KCNIP4: variants seen among roughly 807,000 people sequenced by gnomAD.
KCNIP4 encodes Kv channel-interacting protein 4.
Under a neutral mutation model 34.0 loss-of-function variants are expected in KCNIP4, and 12 were observed. The ratio of observed to expected loss-of-function variants is 0.35; its 90% CI spans 0.23 to 0.57. KCNIP4 has a LOEUF of 0.57. Ranked by LOEUF, KCNIP4 falls within the 20% of genes least tolerant of loss-of-function variation. The pLI is 0.83. For missense variants in KCNIP4, 238 were observed against 311.7 expected (o/e 0.76, Z 1.78); for synonymous variants, 124 against 102.2 (o/e 1.21, Z -1.29).
intron 1 of KCNIP4, among the ~76,000 whole-genome samples, chr4:21,587,775 T>C (rs906813210): frequency 1.3e-5 from 2 of 152,000 alleles, no homozygotes; most frequent in South Asian, 2.1e-4. Context: ...CCTTCACTAG[T>C]TGGAGAAAGG....
chr4:21,902,294 T>C (rs1392764988), intron 1 of KCNIP4, among the ~76,000 whole-genome samples: 1 of 152,254 alleles, frequency 6.6e-6, no homozygotes, highest in Admixed American at 6.6e-5. Context: ...TTGGTATACT[T>C]AAGTTATAAA....
At position 21,304,055 on chromosome 4, in the gene KCNIP4, GAGAGAGAGAGAGAC is replaced by G. The variant is rs1228991577; in HGVS notation, c.62-421360_62-421347del. On this transcript the variant is annotated intron_variant, in intron 1 of 8. Coordinates refer to ENST00000382152, the MANE Select transcript of KCNIP4 (RefSeq NM_025221.6). ...TGAGAGAGAGAGAGAGAGAGAGAGA[GAGAGAGAGAGAGAC>G]AGAGAGAGAGAGAGAGACAGAGAGA... The G allele has an allele frequency of 2.7e-3, 1,353 of 494,402 alleles. 11 individuals carry two copies. The highest frequency in any genetic ancestry group is 0.022 in the African/African-American group (508 of 23,492). The allele number at this position is 494,402 out of a possible 1,614,324, so 30.6% of individuals were successfully genotyped here. A position where few individuals can be genotyped will look rare whatever the true frequency, so the allele number is the denominator to read the frequency against.
intron 1 of KCNIP4, among the ~76,000 whole-genome samples, chr4:21,501,277 C>T (rs10017100): frequency 0.039 from 5,673 of 147,214 alleles, 327 homozygotes; most frequent in African/African-American, 0.13. Flanking sequence ...CACACACATG[C>T]CATGTCCTAA....
At chr4:21,310,276 T>C (rs1713006275) in intron 1 of KCNIP4, among the ~76,000 whole-genome samples, 1 of 152,126 alleles carries the variant, frequency 6.6e-6, no homozygotes, top group African/African-American at 2.4e-5. Flanking sequence ...CCTCATGTGA[T>C]CCGTCCGCCT....
intron 1 of KCNIP4, among the ~76,000 whole-genome samples, chr4:20,926,012 T>C (rs6834492): frequency 0.13 from 20,500 of 152,280 alleles, 1,934 homozygotes; most frequent in African/African-American, 0.28. Context: ...AGGTGCTCTC[T>C]GCCCAAGATT....
At chr4:21,108,489 A>T (rs1265039418) in intron 1 of KCNIP4, among the ~76,000 whole-genome samples, 1 of 151,520 alleles carries the variant, frequency 6.6e-6, no homozygotes, top group Non-Finnish European at 1.5e-5. Flanking sequence ...TATTCTAGTT[A>T]TACATTCGTC....
chr4:20,827,074 C>T (rs552866048), intron 3 of KCNIP4, among the ~76,000 whole-genome samples: 1 of 152,308 alleles, frequency 6.6e-6, no homozygotes, highest in East Asian at 1.9e-4. Context: ...CAACAGAATA[C>T]AGCAGAAATA....
intron 1 of KCNIP4, among the ~76,000 whole-genome samples, chr4:21,588,286 T>C (rs752647872): frequency 2.0e-5 from 3 of 152,036 alleles, no homozygotes; most frequent in Non-Finnish European, 4.4e-5. Context: ...TGAGAAAACC[T>C]GGCTATGGGT....
intron 3 of KCNIP4, among the ~76,000 whole-genome samples, chr4:20,830,235 T>C (rs1367322134): frequency 6.6e-6 from 1 of 152,204 alleles, no homozygotes; most frequent in African/African-American, 2.4e-5. Flanking sequence ...TTTACCCCTA[T>C]GTTTGACTGC....
At chr4:21,719,777 T>C (rs542222809) in intron 1 of KCNIP4, among the ~76,000 whole-genome samples, 3 of 151,838 alleles carry the variant, frequency 2.0e-5, no homozygotes, top group African/African-American at 4.8e-5. Flanking sequence ...ACCTGGCCAA[T>C]ATGGGGAAAA....
At chr4:21,551,977 C>T (rs937970897) in intron 1 of KCNIP4, among the ~76,000 whole-genome samples, 6 of 150,164 alleles carry the variant, frequency 4.0e-5, no homozygotes, top group Non-Finnish European at 5.9e-5. Context: ...AGACATCATT[C>T]GACCTGTCCA....
At chr4:21,634,722 T>G (rs1022457755) in intron 1 of KCNIP4, among the ~76,000 whole-genome samples, 1 of 152,208 alleles carries the variant, frequency 6.6e-6, no homozygotes, top group Non-Finnish European at 1.5e-5. Context: ...TTAAATCATC[T>G]CATTTGTAAG....
intron 5 of KCNIP4, among the ~76,000 whole-genome samples, chr4:20,737,991 G>T (rs923657067): frequency 6.6e-6 from 1 of 152,054 alleles, no homozygotes; most frequent in Non-Finnish European, 1.5e-5. Context: ...AATTAACTGG[G>T]TATGGTGGTG....
chr4:20,812,633 TGG>T (rs1287460464), intron 3 of KCNIP4, among the ~76,000 whole-genome samples: 1 of 152,194 alleles, frequency 6.6e-6, no homozygotes, highest in Non-Finnish European at 1.5e-5. Context: ...TCTCTTCTAT[TGG>T]AGTTCGGTTT....
intron 1 of KCNIP4, among the ~76,000 whole-genome samples, chr4:21,122,621 T>A (rs905187896): frequency 6.6e-6 from 1 of 152,188 alleles, no homozygotes; most frequent in African/African-American, 2.4e-5. Context: ...TGTTCCACAG[T>A]CATTGTTTCC....
intron 3 of KCNIP4, chr4:20,767,477 C>T (rs1232311176): frequency 6.6e-6 from 1 of 152,056 alleles, no homozygotes; most frequent in African/African-American, 2.4e-5. Flanking sequence ...GAGAAAGATC[C>T]ATGTATGCAT....
intron 1 of KCNIP4, among the ~76,000 whole-genome samples, chr4:21,442,278 T>C (rs1328486664): frequency 6.6e-6 from 1 of 152,196 alleles, no homozygotes; most frequent in Non-Finnish European, 1.5e-5. Context: ...TTCCTAGCAC[T>C]TGTGGTTCAT....
At chr4:21,234,010 T>C (rs1399810212) in intron 1 of KCNIP4, among the ~76,000 whole-genome samples, 3 of 129,210 alleles carry the variant, frequency 2.3e-5, no homozygotes, top group African/African-American at 3.1e-5. Flanking sequence ...ATATATAACA[T>C]ATATAACATA....
intron 1 of KCNIP4, among the ~76,000 whole-genome samples, chr4:21,437,304 CAAT>C (rs1425527146): frequency 6.6e-6 from 1 of 151,958 alleles, no homozygotes; most frequent in South Asian, 2.1e-4. Context: ...TTTTCAACAA[CAAT>C]AACAACAAAA....
Sources: allele counts gnomAD v4.1 joint callset (sites outside exome capture counted in the v4.1 genomes callset), GRCh38; gene constraint gnomAD v4.1.1; transcripts MANE v1.5; gene names NCBI Gene and HGNC (gene_info 2026-07-23, HGNC 2026-07-21).